IMMT: variants seen among roughly 807,000 people sequenced by gnomAD.
IMMT encodes the protein inner membrane mitochondrial protein.
A neutral mutation model predicts 92.7 loss-of-function variants in IMMT; 40 were observed. The ratio of observed to expected loss-of-function variants is 0.43; its 90% CI spans 0.34 to 0.56. The LOEUF (loss-of-function observed/expected upper bound fraction) is 0.56, where lower values mean the gene tolerates loss of function less well. IMMT is among the 20% of genes least tolerant of loss of function. The probability of loss-of-function intolerance (pLI) is 0.03; values close to 1 mark genes in which losing one functional copy is unlikely to be tolerated. For synonymous variants in IMMT, 322 were observed against 336.1 expected (o/e 0.96, Z 0.46); for missense variants, 831 against 912.1 (o/e 0.91, Z 1.14).
intron 3 of IMMT, among the ~76,000 whole-genome samples, chr2:86,176,106 T>C (rs371621887): frequency 3.3e-5 from 5 of 152,200 alleles, no homozygotes; most frequent in East Asian, 1.9e-4. Flanking sequence ...GCCAAGGGTA[T>C]TGAATGTCAA....
chr2:86,176,078 G>A (rs1677406740), intron 3 of IMMT, among the ~76,000 whole-genome samples: 1 of 152,210 alleles, frequency 6.6e-6, no homozygotes, highest in Admixed American at 6.5e-5. Context: ...GGCTGCAAAG[G>A]TAAACAAGTG....
chr2:86,153,621 C>T (rs550665896), intron 10 of IMMT, 47 bp from the exon 11 acceptor site: 17 of 1,254,958 alleles, frequency 1.4e-5, no homozygotes, highest in African/African-American at 1.2e-4. Context: ...AATGCACATA[C>T]TTTAGTTATT....
At chr2:86,145,439 G>C (rs1674921196) in intron 14 of IMMT, among the ~76,000 whole-genome samples, 2 of 138,066 alleles carry the variant, frequency 1.4e-5, no homozygotes, top group South Asian at 4.6e-4. Flanking sequence ...AGGCTGCAGT[G>C]AGTCGATATC....
intron 7 of IMMT, among the ~76,000 whole-genome samples, chr2:86,165,953 T>C (rs1676643660): frequency 6.6e-6 from 1 of 152,246 alleles, no homozygotes; most frequent in African/African-American, 2.4e-5. Context: ...TTGCGCTGCA[T>C]CGGTGTTGTA....
chr2:86,178,619 C>T (rs1254446443), intron 3 of IMMT, among the ~76,000 whole-genome samples: 1 of 151,772 alleles, frequency 6.6e-6, no homozygotes, highest in African/African-American at 2.4e-5. Context: ...GAGCAAGACT[C>T]CGTCTTGGAA....
At chr2:86,184,463 A>G (rs1411078885) in intron 1 of IMMT, among the ~76,000 whole-genome samples, 1 of 152,104 alleles carries the variant, frequency 6.6e-6, no homozygotes, top group African/African-American at 2.4e-5. Context: ...TTATTTACAT[A>G]ATTTATATAT....
At chr2:86,169,889 AAAAC>A (rs1334682396) in intron 6 of IMMT, among the ~76,000 whole-genome samples, 5 of 151,618 alleles carry the variant, frequency 3.3e-5, no homozygotes, top group Admixed American at 1.3e-4. Flanking sequence ...CCATCTCTTA[AAAAC>A]AAACAAACAA....
intron 3 of IMMT, among the ~76,000 whole-genome samples, chr2:86,175,626 A>G (rs1029236305): frequency 6.6e-6 from 1 of 152,172 alleles, no homozygotes; most frequent in Non-Finnish European, 1.5e-5. Flanking sequence ...AGACAATGTT[A>G]TAACAAATCA....
intron 7 of IMMT, among the ~76,000 whole-genome samples, chr2:86,165,488 C>T (rs1043799484): frequency 6.6e-6 from 1 of 152,154 alleles, no homozygotes; most frequent in African/African-American, 2.4e-5. Context: ...TAAGTACATA[C>T]GACTGAAACA....
At chr2:86,192,008 A>G (rs1476908621) in intron 1 of IMMT, among the ~76,000 whole-genome samples, 2 of 152,188 alleles carry the variant, frequency 1.3e-5, no homozygotes, top group African/African-American at 4.8e-5. Flanking sequence ...GAAGGTGGGG[A>G]TATTGCTTGA....
intron 12 of IMMT, 150 bp from the exon 13 acceptor site, chr2:86,147,983 T>C: frequency 3.0e-6 from 2 of 676,458 alleles, no homozygotes; most frequent in Non-Finnish European, 4.8e-6. Context: ...CTACTTCTCA[T>C]GTGAAACGGA....
rs377528446 is a variant in IMMT, at chr2:86,175,464, T to G, written c.310-1703A>C. On this transcript the variant is annotated intron_variant, in intron 3 of 14. Coordinates refer to ENST00000410111, the MANE Select transcript of IMMT (RefSeq NM_006839.3). ...TCTTAATATATATTTGGTACTATCT[T>G]GGTACTATCTTTAATGACATACATA... Among the ~76,000 whole-genome samples, 6 of 152,230 alleles carry G rather than the reference T, an allele frequency of 3.9e-5. No individual in the cohort carries two copies. The South Asian group carries it at 1.0e-3, about 26-fold the overall frequency.
Position 86,151,424 on chromosome 2 carries a change from G to C in IMMT, c.1274C>G (p.Thr425Ser). 6.2e-7 allele frequency: 1 copy of C among 1,613,922 alleles called. No individual in the cohort carries two copies. The highest frequency in any genetic ancestry group is 2.2e-5 in the East Asian group (1 of 44,890). Reference protein sequence around the residue: ...LNRELAEQKATEKQHITLALE... With the variant: ...LNRELAEQKASEKQHITLALE... ...GGCTAACGTGATGTGCTGCTTTTCG[G>C]TGGCCTTCTGTTCTGCCAGCTCTCT... Residue 425 changes from threonine (T) to serine (S), a missense_variant, in exon 12 of 15, where the codon ACC (threonine) becomes AGC (serine). Coordinates refer to ENST00000410111, the MANE Select transcript of IMMT (RefSeq NM_006839.3).
At chr2:86,144,948 G>A in intron 14 of IMMT, 67 bp from the exon 15 acceptor site, 1 of 1,498,462 alleles carries the variant, frequency 6.7e-7, no homozygotes, top group Non-Finnish European at 8.9e-7. Context: ...CCACAGAACT[G>A]ATGCACATTC....
rs58834264 is a variant in IMMT, at chr2:86,153,364, T to A, written c.1177+196A>T. 1.0e-3 allele frequency among the ~76,000 whole-genome samples: 154 copies of A among 148,736 alleles called. 1 individual carries two copies. Among genetic ancestry groups the A allele is most frequent in the African/African-American group, 3.6e-3 (140 of 39,280 alleles). ...ACACTTCACATCTATAGGATTCCAA[T>A]CACTTGATGAAACATTTTCATTCCT... On this transcript the variant is annotated intron_variant, in intron 11 of 14. Coordinates refer to ENST00000410111, the MANE Select transcript of IMMT (RefSeq NM_006839.3).
intron 14 of IMMT, 39 bp downstream of exon 14, chr2:86,146,029 A>G: frequency 6.9e-7 from 1 of 1,439,374 alleles, no homozygotes; most frequent in Non-Finnish European, 9.3e-7. Flanking sequence ...AATTATGCTG[A>G]GGAAAATTAT....
intron 1 of IMMT, among the ~76,000 whole-genome samples, chr2:86,189,248 T>A (rs1023904159): frequency 2.0e-5 from 3 of 152,160 alleles, no homozygotes; most frequent in Admixed American, 1.3e-4. Flanking sequence ...GTTCTTTTTT[T>A]TTTTGAGATG....
At chr2:86,165,310 C>T (rs1458722739) in intron 7 of IMMT, among the ~76,000 whole-genome samples, 1 of 152,192 alleles carries the variant, frequency 6.6e-6, no homozygotes, top group Non-Finnish European at 1.5e-5. Context: ...CTTCCCATAT[C>T]GGTAACCAGC....
intron 4 of IMMT, 137 bp from the exon 5 acceptor site, chr2:86,171,482 GAAT>G: frequency 1.3e-6 from 1 of 764,762 alleles, no homozygotes. Flanking sequence ...CCACATGTTT[GAAT>G]AACACACAAA....
Sources: gnomAD v4.1 joint callset for allele counts (sites outside exome capture counted in the v4.1 genomes callset) on GRCh38, gnomAD v4.1.1 for gene constraint, MANE v1.5 for transcripts, NCBI Gene and HGNC (gene_info 2026-07-23, HGNC 2026-07-21) for gene names.